The following SGCD variants were observed in gnomAD, a reference collection of about 807,000 sequenced individuals.
SGCD encodes sarcoglycan delta.
A neutral mutation model predicts 36.6 loss-of-function variants in SGCD; 18 were observed. That is an observed-to-expected ratio of 0.49 (90% CI 0.34 to 0.73). SGCD has a LOEUF of 0.73. SGCD is among the 30% of genes least tolerant of loss of function. The pLI is 0.01. For synonymous variants in SGCD, 133 were observed against 130.6 expected (o/e 1.02, Z -0.12); for missense variants, 387 against 346.7 (o/e 1.12, Z -0.92).
intron 1 of SGCD, among the ~76,000 whole-genome samples, chr5:156,033,066 G>A (rs1759392099): frequency 6.6e-6 from 1 of 151,676 alleles, no homozygotes; most frequent in African/African-American, 2.4e-5. Context: ...GACAGAGTGA[G>A]ACATCGTCTC....
At chr5:156,400,241 T>A (rs1772071837) in intron 3 of SGCD, among the ~76,000 whole-genome samples, 1 of 152,188 alleles carries the variant, frequency 6.6e-6, no homozygotes. Flanking sequence ...TTTTAACAAG[T>A]TCCCAAGTAA....
Position 156,061,480 on chromosome 5 carries a change from C to G in SGCD, c.-281-56398C>G, listed in dbSNP as rs577728801. Among the ~76,000 whole-genome samples the G allele has an allele frequency of 1.9e-4, 28 of 145,988 alleles. No individual in the cohort carries two copies. The South Asian group carries it at 6.0e-3, about 31-fold the overall frequency. On this transcript the variant is annotated intron_variant, in intron 1 of 9. Coordinates refer to the SGCD transcript ENST00000517913. ...TACACTATAACTGGTATCCTGAAAA[C>G]CAGGATTCGACTTAGCTTGGGTTTC... is the stretch of plus-strand genomic sequence containing the variant.
chr5:156,114,599 C>T (rs944084322), intron 1 of SGCD, among the ~76,000 whole-genome samples: 1 of 152,112 alleles, frequency 6.6e-6, no homozygotes. Flanking sequence ...ATAAGCCTTT[C>T]TCCTCTCATC....
At chr5:156,457,772 CAT>C (rs1242372154) in intron 3 of SGCD, among the ~76,000 whole-genome samples, 3 of 152,152 alleles carry the variant, frequency 2.0e-5, no homozygotes, top group Non-Finnish European at 2.9e-5. Flanking sequence ...GGTTGGGAGA[CAT>C]GTGTTCTAGT....
intron 3 of SGCD, among the ~76,000 whole-genome samples, chr5:156,353,197 A>G (rs1374859400): frequency 6.6e-6 from 1 of 152,232 alleles, no homozygotes; most frequent in Non-Finnish European, 1.5e-5. Flanking sequence ...CATATAAAGT[A>G]CATGGCAGAC....
chr5:155,830,642 A>G, the SGCD span, among the ~76,000 whole-genome samples: 1 of 152,238 alleles, frequency 6.6e-6, no homozygotes, highest in African/African-American at 2.4e-5. Flanking sequence ...TAGTTTTTAA[A>G]GACTTCTGTT....
chr5:156,292,008 C>G (rs1295235372), intron 3 of SGCD, among the ~76,000 whole-genome samples: 1 of 151,980 alleles, frequency 6.6e-6, no homozygotes, highest in African/African-American at 2.4e-5. Flanking sequence ...CAACCCCACC[C>G]CAGCCACTAG....
At chr5:156,630,355 G>A (rs922972076) in intron 6 of SGCD, among the ~76,000 whole-genome samples, 5 of 152,130 alleles carry the variant, frequency 3.3e-5, no homozygotes, top group African/African-American at 4.8e-5. Context: ...ATGGACAGAT[G>A]GACAAATGGA....
chr5:155,810,556 A>G, the SGCD span, among the ~76,000 whole-genome samples: 1 of 152,126 alleles, frequency 6.6e-6, no homozygotes. Flanking sequence ...TGCATCATTT[A>G]TGTTAGTTGT....
rs533096170 is a variant in SGCD at position 155,885,940 on chromosome 5, G to A, written c.-282+15516G>A. Among the ~76,000 whole-genome samples the A allele has an allele frequency of 5.9e-5, 9 of 152,238 alleles. No homozygotes were observed. In the South Asian group the frequency reaches 1.7e-3, roughly 28 times the overall value. On this transcript the variant is annotated intron_variant, in intron 1 of 9. Coordinates refer to the SGCD transcript ENST00000517913. ...GTCCTAACTTTCCTGACTGAATAAC[G>A]TAAACTAGTAGGCACACTTCAAAAC...
At chr5:156,662,901 A>AC (rs1399442506) in intron 7 of SGCD, among the ~76,000 whole-genome samples, 1 of 150,950 alleles carries the variant, frequency 6.6e-6, no homozygotes, top group Non-Finnish European at 1.5e-5. Flanking sequence ...CCACTGATTT[A>AC]CCCACACCGG....
At chr5:156,417,703 A>G (rs1773117466) in intron 3 of SGCD, among the ~76,000 whole-genome samples, 1 of 152,070 alleles carries the variant, frequency 6.6e-6, no homozygotes, top group Non-Finnish European at 1.5e-5. Flanking sequence ...CTCTACCATT[A>G]TGACCTCACT....
intron 1 of SGCD, among the ~76,000 whole-genome samples, chr5:156,012,936 A>C (rs898187462): frequency 6.0e-5 from 9 of 149,670 alleles, no homozygotes; most frequent in African/African-American, 2.2e-4. Context: ...GATTTATAGC[A>C]TTCCATTTAT....
chr5:156,596,833 A>G (rs1760944186), intron 6 of SGCD, among the ~76,000 whole-genome samples: 1 of 152,092 alleles, frequency 6.6e-6, no homozygotes, highest in Non-Finnish European at 1.5e-5. Context: ...AAATGCACGC[A>G]TATGTACATG....
At chr5:156,574,843 C>G (rs535555650) in intron 4 of SGCD, among the ~76,000 whole-genome samples, 87 of 152,250 alleles carry the variant, frequency 5.7e-4, no homozygotes, top group African/African-American at 2.0e-3. Context: ...CCAAACTTTT[C>G]CTGAAAGAGG....
intron 3 of SGCD, among the ~76,000 whole-genome samples, chr5:156,267,494 G>A (rs1018011031): frequency 1.3e-5 from 2 of 152,140 alleles, no homozygotes; most frequent in Non-Finnish European, 2.9e-5. Flanking sequence ...TGACCTGCCG[G>A]ATCCAAGGCT....
At chr5:156,019,913 C>G (rs1240518642) in intron 1 of SGCD, among the ~76,000 whole-genome samples, 1 of 152,170 alleles carries the variant, frequency 6.6e-6, no homozygotes, top group African/African-American at 2.4e-5. Context: ...CTCATGTCTC[C>G]AATCTCAGCT....
intron 3 of SGCD, among the ~76,000 whole-genome samples, chr5:156,188,356 T>C (rs1174989722): frequency 6.6e-6 from 1 of 152,124 alleles, no homozygotes; most frequent in Non-Finnish European, 1.5e-5. Flanking sequence ...TAAAAGGTGA[T>C]AAATACTGTG....
chr5:155,821,842 A>T, the SGCD span, among the ~76,000 whole-genome samples: 1 of 152,230 alleles, frequency 6.6e-6, no homozygotes, highest in Non-Finnish European at 1.5e-5. Context: ...AAATATGTGA[A>T]CTAAATAGAT....
Sources: gnomAD v4.1 joint callset for allele counts (sites outside exome capture counted in the v4.1 genomes callset) on GRCh38, gnomAD v4.1.1 for gene constraint, MANE v1.5 for transcripts, NCBI Gene and HGNC (gene_info 2026-07-23, HGNC 2026-07-21) for gene names.